The following COL25A1 variants were observed in gnomAD, a reference collection of about 807,000 sequenced individuals.
COL25A1 encodes collagen type XXV alpha 1 chain.
COL25A1 carries 103 observed loss-of-function variants against 128.4 expected under a neutral mutation model. The observed-to-expected ratio is 0.80, with a 90% CI of 0.68 to 0.94. The LOEUF is 0.94. Among genes scored for constraint, COL25A1 ranks in the 40% least tolerant of loss-of-function variants. The probability of loss-of-function intolerance (pLI) is 0.00; values close to 1 mark genes in which losing one functional copy is unlikely to be tolerated. For synonymous variants in COL25A1, 279 were observed against 277.2 expected (o/e 1.01, Z -0.06); for missense variants, 745 against 840.0 (o/e 0.89, Z 1.40).
At chr4:109,099,501 T>C (rs1160222824) in intron 3 of COL25A1, among the ~76,000 whole-genome samples, 1 of 151,986 alleles carries the variant, frequency 6.6e-6, no homozygotes, top group Non-Finnish European at 1.5e-5. Flanking sequence ...GAAATATTTA[T>C]ATGTTAACAT....
intron 3 of COL25A1, among the ~76,000 whole-genome samples, chr4:109,244,702 C>G (rs1035543587): frequency 2.0e-5 from 3 of 151,916 alleles, no homozygotes; most frequent in African/African-American, 7.3e-5. Context: ...CACTGCAGTC[C>G]CCAAAAGAGC....
chr4:109,285,955 T>G (rs938214498), intron 3 of COL25A1, among the ~76,000 whole-genome samples: 1 of 152,138 alleles, frequency 6.6e-6, no homozygotes, highest in Non-Finnish European at 1.5e-5. Context: ...TCAAGAAGAA[T>G]TGACTGGGCT....
At chr4:108,884,803 G>C (rs1022557162) in intron 18 of COL25A1, among the ~76,000 whole-genome samples, 2 of 152,178 alleles carry the variant, frequency 1.3e-5, no homozygotes, top group African/African-American at 4.8e-5. Flanking sequence ...TGTTGAGTCT[G>C]AGCAACCCTG....
intron 3 of COL25A1, among the ~76,000 whole-genome samples, chr4:109,114,739 C>T (rs1312053720): frequency 6.6e-6 from 1 of 152,026 alleles, no homozygotes; most frequent in African/African-American, 2.4e-5. Context: ...GGGGTCTTTC[C>T]TTTATGAAAG....
At chr4:109,177,151 G>T (rs545044900) in intron 3 of COL25A1, among the ~76,000 whole-genome samples, 1 of 152,200 alleles carries the variant, frequency 6.6e-6, no homozygotes, top group South Asian at 2.1e-4. Flanking sequence ...TAATATTCTT[G>T]TCTCTGAAGA....
At chr4:109,114,731 G>A (rs1767362813) in intron 3 of COL25A1, among the ~76,000 whole-genome samples, 1 of 151,990 alleles carries the variant, frequency 6.6e-6, no homozygotes, top group South Asian at 2.1e-4. Flanking sequence ...TAGAGAATGG[G>A]GTCTTTCCTT....
intron 3 of COL25A1, among the ~76,000 whole-genome samples, chr4:109,077,335 G>A (rs1763462867): frequency 6.6e-6 from 1 of 152,108 alleles, no homozygotes; most frequent in Non-Finnish European, 1.5e-5. Flanking sequence ...GGGAACATGG[G>A]ATAAACTATC....
intron 13 of COL25A1, among the ~76,000 whole-genome samples, chr4:108,908,589 A>T (rs1037437592): frequency 1.3e-5 from 2 of 152,192 alleles, no homozygotes; most frequent in Non-Finnish European, 2.9e-5. Context: ...TCTAAACAGC[A>T]AACTCCCTCC....
chr4:109,081,650 A>G (rs760987984), intron 3 of COL25A1, among the ~76,000 whole-genome samples: 2 of 151,582 alleles, frequency 1.3e-5, no homozygotes, highest in African/African-American at 2.4e-5. Context: ...CAACCCCTAA[A>G]CCCATCTCCA....
At chr4:109,112,594 T>C (rs565766607) in intron 3 of COL25A1, among the ~76,000 whole-genome samples, 1 of 152,192 alleles carries the variant, frequency 6.6e-6, no homozygotes, top group African/African-American at 2.4e-5. Context: ...CAGTTTATAT[T>C]AAATGTTCAA....
intron 3 of COL25A1, among the ~76,000 whole-genome samples, chr4:109,141,990 G>A (rs188230958): frequency 4.8e-4 from 73 of 152,084 alleles, no homozygotes; most frequent in African/African-American, 1.7e-3. Flanking sequence ...ATTTGCTCTT[G>A]CTTCTCTAGT....
At chr4:108,989,955 G>A (rs901824543) in intron 6 of COL25A1, among the ~76,000 whole-genome samples, 4 of 151,828 alleles carry the variant, frequency 2.6e-5, no homozygotes, top group South Asian at 2.1e-4. Context: ...GCTTACTCCC[G>A]TAATGCCAAC....
At position 108,852,117 on chromosome 4, in the gene COL25A1, A is replaced by G. The variant is rs1252889300; in HGVS notation, c.1389+119T>C. The stretch of plus-strand genomic sequence containing the variant: ...TTTCTTTTCTTCGCTCTCTAAAACA[A>G]TACTGTTGATCTCAGCTTCTTCAGC... On this transcript the variant is annotated intron_variant, in intron 26 of 37. Transcript: ENST00000399132. 3.9e-6 allele frequency: 3 copies of G among 767,654 alleles called. No homozygotes were observed. The African/African-American group carries it at 5.5e-5, about 14-fold the overall frequency. 47.6% of individuals were successfully genotyped at this position (767,654 alleles called of 1,614,324 possible).
chr4:108,855,230 A>C (rs28544126), intron 24 of COL25A1, among the ~76,000 whole-genome samples: 11,899 of 145,098 alleles, frequency 0.082, 578 homozygotes, highest in Non-Finnish European at 0.1. Flanking sequence ...TAAAAGGTAA[A>C]ATGTCCACAA....
At chr4:109,283,535 T>C (rs1409392012) in intron 3 of COL25A1, among the ~76,000 whole-genome samples, 1 of 152,188 alleles carries the variant, frequency 6.6e-6, no homozygotes, top group Non-Finnish European at 1.5e-5. Context: ...AGTGCTAGGA[T>C]TACAGGCGTG....
intron 3 of COL25A1, among the ~76,000 whole-genome samples, chr4:109,121,831 A>C: frequency 6.6e-6 from 1 of 152,132 alleles, no homozygotes; most frequent in Non-Finnish European, 1.5e-5. Flanking sequence ...TCAAATGTTT[A>C]AAACAGCATT....
rs1748057221 is a variant in COL25A1 at position 108,941,288 on chromosome 4, T to C, written c.564+78A>G. Reference sequence around the variant, plus strand: ...CCACCCACACCCCACCCATAAGAGATAAATCGTAAAGCAATAGGTACACAG... The same window carrying C: ...CCACCCACACCCCACCCATAAGAGACAAATCGTAAAGCAATAGGTACACAG... On this transcript the variant is annotated intron_variant, in intron 9 of 37. Transcript: ENST00000399132. The C allele has an allele frequency of 5.1e-6, 6 of 1,175,752 alleles. No homozygotes were observed. The East Asian group carries it at 9.6e-5, about 19-fold the overall frequency. The allele number at this position is 1,175,752 out of a possible 1,614,324, so 72.8% of individuals were successfully genotyped here.
chr4:108,817,451 G>A lies in COL25A1; in HGVS notation c.1924-16C>T. On this transcript the variant is annotated splice_polypyrimidine_tract_variant and intron_variant, in intron 36 of 37. Coordinates refer to ENST00000399132, the MANE Select transcript of COL25A1 (RefSeq NM_198721.4). ...CATCTGGCCCCTGTTTTAAAGAGAA[G>A]AAAAAGAATTCCTCAGGTTCCATAA... is the stretch of plus-strand genomic sequence containing the variant. The A allele has an allele frequency of 6.2e-7, 1 of 1,611,862 alleles. No homozygotes were observed. The highest frequency in any genetic ancestry group is 2.2e-5 in the East Asian group (1 of 44,832).
chr4:108,910,157 T>C (rs563633962), intron 13 of COL25A1, among the ~76,000 whole-genome samples: 14 of 152,370 alleles, frequency 9.2e-5, no homozygotes, highest in African/African-American at 3.4e-4. Flanking sequence ...AAAACCCAGC[T>C]AATTCCATAT....
Sources: gnomAD v4.1 joint callset for allele counts (sites outside exome capture counted in the v4.1 genomes callset) on GRCh38, gnomAD v4.1.1 for gene constraint, MANE v1.5 for transcripts, NCBI Gene and HGNC (gene_info 2026-07-23, HGNC 2026-07-21) for gene names.